Variants in ITGAE observed in about 807,000 individuals in gnomAD.
The protein encoded by ITGAE is integrin subunit alpha E.
A neutral mutation model predicts 136.5 loss-of-function variants in ITGAE; 99 were observed. The ratio of observed to expected loss-of-function variants is 0.73; its 90% CI spans 0.62 to 0.86. The LOEUF (loss-of-function observed/expected upper bound fraction) is 0.86, where lower values mean the gene tolerates loss of function less well. Ranked by LOEUF, ITGAE falls within the 40% of genes least tolerant of loss-of-function variation. The pLI, the probability that ITGAE is intolerant of heterozygous loss-of-function variation, is 0.00. For missense variants in ITGAE, 1,447 were observed against 1,515.3 expected (o/e 0.95, Z 0.75); for synonymous variants, 613 against 591.8 (o/e 1.04, Z -0.52).
intron 16 of ITGAE, among the ~76,000 whole-genome samples, chr17:3,748,399 A>G (rs1024288308): frequency 6.6e-6 from 1 of 152,148 alleles, no homozygotes; most frequent in African/African-American, 2.4e-5. Flanking sequence ...CAGCCTGGCC[A>G]ACTTGGTGAA....
chr17:3,795,205 A>G (rs1003012903), intron 1 of ITGAE, among the ~76,000 whole-genome samples: 1 of 152,028 alleles, frequency 6.6e-6, no homozygotes, highest in African/African-American at 2.4e-5. Flanking sequence ...CTGTGACCAA[A>G]TTCTGTCTGG....
intron 16 of ITGAE, 88 bp downstream of exon 16, chr17:3,750,264 A>C (rs1189813678): frequency 6.5e-7 from 1 of 1,531,332 alleles, no homozygotes; most frequent in Admixed American, 1.9e-5. Flanking sequence ...TCCCTCCCTC[A>C]GTGCCTAATG....
chr17:3,786,620 A>G (rs1171454273), intron 1 of ITGAE, among the ~76,000 whole-genome samples: 1 of 152,082 alleles, frequency 6.6e-6, no homozygotes, highest in Admixed American at 6.6e-5. Flanking sequence ...GGCCGGGTGC[A>G]GTGGCTCATG....
intron 2 of ITGAE, among the ~76,000 whole-genome samples, chr17:3,777,024 C>A (rs1216006470): frequency 6.0e-5 from 9 of 150,842 alleles, no homozygotes; most frequent in African/African-American, 7.3e-5. Context: ...GCAGTGGCGC[C>A]ATCTCGGTTC....
intron 1 of ITGAE, among the ~76,000 whole-genome samples, chr17:3,794,794 T>C (rs2143505184): frequency 6.6e-6 from 1 of 152,020 alleles, no homozygotes; most frequent in South Asian, 2.1e-4. Flanking sequence ...AATTAAAAAG[T>C]GCGAGCTGCC....
chr17:3,716,819 G>A lies in ITGAE; in HGVS notation c.3334-21C>T, dbSNP rs755205566. 12 of 1,347,452 alleles carry A rather than the reference G, an allele frequency of 8.9e-6. No individual in the cohort carries two copies. The Admixed American group carries it at 1.3e-4, about 14-fold the overall frequency. 83.5% of individuals were successfully genotyped at this position (1,347,452 alleles called of 1,614,324 possible). A position where few individuals can be genotyped will look rare whatever the true frequency, so the allele number is the denominator to read the frequency against. On this transcript the variant is annotated intron_variant, in intron 29 of 30. Transcript: ENST00000263087. Reference sequence around the variant, plus strand: ...GTGATCTAGACAAGACAAAGAGATCGCCCAATAAATCAGGTGAAGCAAACA... The same window carrying A: ...GTGATCTAGACAAGACAAAGAGATCACCCAATAAATCAGGTGAAGCAAACA...
chr17:3,751,251 G>A (rs988572400), intron 15 of ITGAE, among the ~76,000 whole-genome samples: 5 of 151,900 alleles, frequency 3.3e-5, no homozygotes, highest in African/African-American at 4.8e-5. Flanking sequence ...GTGAGAGGCT[G>A]GCAAGGGAGC....
At chr17:3,783,206 T>A (rs913243002) in intron 1 of ITGAE, among the ~76,000 whole-genome samples, 13 of 152,222 alleles carry the variant, frequency 8.5e-5, no homozygotes, top group African/African-American at 3.1e-4. Context: ...GGTGGCGCGA[T>A]CTTGGCTCAC....
intron 1 of ITGAE, among the ~76,000 whole-genome samples, chr17:3,790,259 C>T (rs139035717): frequency 2.0e-5 from 3 of 152,302 alleles, no homozygotes; most frequent in Middle Eastern, 3.4e-3. Context: ...GTAATCCCAG[C>T]ATTTTGGGAG....
chr17:3,801,078 C>A, intron 1 of ITGAE, 33 bp downstream of exon 1: 1 of 1,611,488 alleles, frequency 6.2e-7, no homozygotes, highest in Admixed American at 1.7e-5. Flanking sequence ...GAGGGCACAG[C>A]AGCCCCTCGA....
At chr17:3,776,182 C>T (rs573277958) in intron 2 of ITGAE, among the ~76,000 whole-genome samples, 3 of 151,802 alleles carry the variant, frequency 2.0e-5, no homozygotes, top group South Asian at 2.1e-4. Context: ...CTCAGCCTCC[C>T]GAGTAGCTGG....
At chr17:3,762,121 G>C (rs865848580) in intron 3 of ITGAE, 139 bp from the exon 4 acceptor site, 9 of 680,280 alleles carry the variant, frequency 1.3e-5, no homozygotes, top group Middle Eastern at 6.0e-4. Context: ...CCTCTAGAAA[G>C]CTAGAGCGGG....
intron 26 of ITGAE, chr17:3,724,464 C>T (rs780570031): frequency 1.1e-5 from 18 of 1,613,748 alleles, no homozygotes; most frequent in Non-Finnish European, 1.4e-5. Context: ...CTCGCCCTGC[C>T]CCGGGTCCCC....
intron 1 of ITGAE, among the ~76,000 whole-genome samples, chr17:3,787,772 C>G (rs949967073): frequency 1.3e-5 from 2 of 151,800 alleles, no homozygotes; most frequent in African/African-American, 4.8e-5. Flanking sequence ...ACTGCAATCT[C>G]CACCTCTCGA....
rs137887115 is a variant in ITGAE, at chr17:3,768,260, GAC to G, written c.156-4302_156-4301del. 5.8e-3 allele frequency among the ~76,000 whole-genome samples: 883 copies of G among 152,178 alleles called. 18 individuals carry two copies. Among genetic ancestry groups the G allele is most frequent in the African/African-American group, 0.02 (826 of 41,520 alleles). ...CCACCTCAGTCTCCCAAGTAACTGG[GAC>G]CACAGATGCGTGCCATCACACCTGG... On this transcript the variant is annotated intron_variant, in intron 2 of 30. Transcript: ENST00000263087.
At chr17:3,758,440 T>C (rs2052081814) in intron 8 of ITGAE, among the ~76,000 whole-genome samples, 1 of 151,426 alleles carries the variant, frequency 6.6e-6, no homozygotes, top group Admixed American at 6.6e-5. Flanking sequence ...TCATTTTATT[T>C]ATTTATTTTT....
intron 8 of ITGAE, among the ~76,000 whole-genome samples, chr17:3,759,136 C>A (rs111350167): frequency 8.6e-4 from 116 of 135,666 alleles, no homozygotes; most frequent in Non-Finnish European, 1.1e-3. Context: ...AAAAAAAAAA[C>A]AAAAAAAAAA....
At chr17:3,791,645 G>A (rs527433570) in intron 1 of ITGAE, among the ~76,000 whole-genome samples, 1 of 152,084 alleles carries the variant, frequency 6.6e-6, no homozygotes, top group Non-Finnish European at 1.5e-5. Flanking sequence ...ACGATGTTTG[G>A]GGTTTAAAAT....
At chr17:3,739,680 A>C in intron 20 of ITGAE, 125 bp downstream of exon 20, 1 of 774,978 alleles carries the variant, frequency 1.3e-6, no homozygotes. Context: ...TAATAAGTGC[A>C]GAAGCCATTT....
Sources: allele counts gnomAD v4.1 joint callset (sites outside exome capture counted in the v4.1 genomes callset), GRCh38; gene constraint gnomAD v4.1.1; transcripts MANE v1.5; gene names NCBI Gene and HGNC (gene_info 2026-07-23, HGNC 2026-07-21).